Variants in MCTP1 observed in about 807,000 individuals in gnomAD.
MCTP1 encodes multiple C2 and transmembrane domain containing 1.
Under a neutral mutation model 120.6 loss-of-function variants are expected in MCTP1, and 69 were observed. The ratio of observed to expected loss-of-function variants is 0.57; its 90% CI spans 0.47 to 0.70. The LOEUF is 0.70. MCTP1 is among the 30% of genes least tolerant of loss of function. The pLI, the probability that MCTP1 is intolerant of heterozygous loss-of-function variation, is 0.00. For missense variants in MCTP1, 1,203 were observed against 1,248.8 expected, an observed-to-expected ratio of 0.96 and a Z score of 0.55; for synonymous variants, 529 against 493.1, an observed-to-expected ratio of 1.07 and a Z score of -0.96.
chr5:95,095,006 ATTTTTTTTTTTTTTTTT>A (rs756132693), intron 1 of MCTP1, among the ~76,000 whole-genome samples: 9 of 36,966 alleles, frequency 2.4e-4, no homozygotes, highest in Admixed American at 1.0e-3. Flanking sequence ...GTTATGTTAG[ATTTTTTTTTTTTTTTTT>A]TTTTTTTTTT....
chr5:94,800,309 C>T (rs957910452), intron 17 of MCTP1, among the ~76,000 whole-genome samples: 1 of 152,172 alleles, frequency 6.6e-6, no homozygotes, highest in African/African-American at 2.4e-5. Flanking sequence ...AAGCCCTCTG[C>T]CTGCTAAGAT....
chr5:94,850,147 G>A (rs1208622396), intron 17 of MCTP1, among the ~76,000 whole-genome samples: 1 of 152,142 alleles, frequency 6.6e-6, no homozygotes, highest in Non-Finnish European at 1.5e-5. Context: ...ATGGCTGTAT[G>A]AGAAACAAAG....
chr5:94,952,746 C>T (rs1820946371), intron 3 of MCTP1, among the ~76,000 whole-genome samples: 1 of 151,882 alleles, frequency 6.6e-6, no homozygotes, highest in Non-Finnish European at 1.5e-5. Flanking sequence ...CCCCCAGCCC[C>T]CCATTTTTGG....
chr5:94,734,708 C>T (rs571837272), intron 19 of MCTP1, among the ~76,000 whole-genome samples: 7 of 152,190 alleles, frequency 4.6e-5, no homozygotes, highest in Non-Finnish European at 1.0e-4. Flanking sequence ...CCTCCCACCT[C>T]GGCCTCCCAA....
chr5:94,751,645 G>A (rs761770899), intron 19 of MCTP1, among the ~76,000 whole-genome samples: 2 of 152,068 alleles, frequency 1.3e-5, no homozygotes, highest in East Asian at 1.9e-4. Flanking sequence ...TGCATAAAGC[G>A]TACAGAGCCC....
chr5:94,739,888 G>A (rs947422325), intron 19 of MCTP1, among the ~76,000 whole-genome samples: 17 of 152,114 alleles, frequency 1.1e-4, no homozygotes, highest in African/African-American at 3.9e-4. Context: ...GGCTGATCTC[G>A]AACTCCTGAC....
chr5:95,161,374 C>T (rs187522748), intron 1 of MCTP1, among the ~76,000 whole-genome samples: 73 of 151,692 alleles, frequency 4.8e-4, no homozygotes, highest in African/African-American at 1.6e-3. Flanking sequence ...CTCACTCATA[C>T]GTAGAATTTT....
At chr5:95,084,770 A>AG (rs1755301774) in intron 1 of MCTP1, among the ~76,000 whole-genome samples, 1 of 152,036 alleles carries the variant, frequency 6.6e-6, no homozygotes, top group African/African-American at 2.4e-5. Context: ...TCAAAATCTA[A>AG]ACCTTTTGTT....
At chr5:95,178,962 AATAG>A (rs1190757407) in intron 1 of MCTP1, among the ~76,000 whole-genome samples, 4 of 152,298 alleles carry the variant, frequency 2.6e-5, no homozygotes, top group African/African-American at 7.2e-5. Flanking sequence ...TCTTCAGTGA[AATAG>A]ATAGCATAAA....
In MCTP1 at chr5:95,015,984, A is replaced by G. The variant is rs555805805; in HGVS notation, c.838+1383T>C. Among the ~76,000 whole-genome samples, 4 of 152,282 alleles carry G rather than the reference A, an allele frequency of 2.6e-5. 1 individual carries two copies. In the South Asian group the frequency reaches 8.3e-4, roughly 32 times the overall value. On this transcript the variant is annotated intron_variant, in intron 2 of 22. Transcript: ENST00000515393. ...AACTAAAAAAAGTTGTATACGCTGT[A>G]AATATAGCAAAATAATACTTTGTTA...
At chr5:95,104,838 C>G (rs1756978209) in intron 1 of MCTP1, among the ~76,000 whole-genome samples, 1 of 152,166 alleles carries the variant, frequency 6.6e-6, no homozygotes, top group Admixed American at 6.6e-5. Context: ...CACTGAGTGA[C>G]CCTTCCTTAC....
chr5:94,826,876 G>C (rs1259225267), intron 17 of MCTP1, among the ~76,000 whole-genome samples: 2 of 135,438 alleles, frequency 1.5e-5, no homozygotes, highest in Non-Finnish European at 3.1e-5. Context: ...TTGCTTTTGA[G>C]ATAAGTCTCC....
At chr5:94,739,248 T>C (rs1454822618) in intron 19 of MCTP1, 1 of 152,200 alleles carries the variant, frequency 6.6e-6, no homozygotes, top group African/African-American at 2.4e-5. Flanking sequence ...CCTTCCACCT[T>C]TGAAGAACAA....
At chr5:94,821,234 T>C (rs1285889855) in intron 17 of MCTP1, among the ~76,000 whole-genome samples, 4 of 152,222 alleles carry the variant, frequency 2.6e-5, no homozygotes, top group Non-Finnish European at 5.9e-5. Context: ...GTTCACATTA[T>C]ACAGTGTCAG....
chr5:95,199,001 A>T (rs908240055), intron 1 of MCTP1, among the ~76,000 whole-genome samples: 1 of 152,190 alleles, frequency 6.6e-6, no homozygotes, highest in African/African-American at 2.4e-5. Context: ...TTACATATTA[A>T]GATTTTTTTC....
At chr5:94,796,940 GAGAGTT>G (rs1463153137) in intron 18 of MCTP1, among the ~76,000 whole-genome samples, 2 of 151,988 alleles carry the variant, frequency 1.3e-5, no homozygotes, top group African/African-American at 4.8e-5. Context: ...GGCATTCCAT[GAGAGTT>G]AGACTATAGA....
intron 2 of MCTP1, among the ~76,000 whole-genome samples, chr5:95,000,974 C>T (rs1415717135): frequency 6.6e-6 from 1 of 152,192 alleles, no homozygotes; most frequent in Non-Finnish European, 1.5e-5. Context: ...CCATAATCCC[C>T]ACAAATCATG....
chr5:94,944,049 T>C (rs554987395), intron 3 of MCTP1, among the ~76,000 whole-genome samples: 1 of 152,176 alleles, frequency 6.6e-6, no homozygotes, highest in South Asian at 2.1e-4. Flanking sequence ...TTTTTTTTCT[T>C]TTTATTTTTT....
chr5:95,284,948 C>T lies in MCTP1; in HGVS notation c.-373G>A, dbSNP rs577773998. ...GCCCTGGCTCCCTCTTCTCTCTGAC[C>T]GAGCTCGGGAAGCTGCACGCACCGG... On this transcript the variant is annotated 5_prime_UTR_variant, in exon 1 of 23. Coordinates refer to ENST00000515393, the MANE Select transcript of MCTP1 (RefSeq NM_024717.7). The surrounding 1 kb of genome is among the most constrained non-coding windows in gnomAD (Gnocchi z 5.2). Among the ~76,000 whole-genome samples, 25 of 152,240 alleles carry T rather than the reference C, an allele frequency of 1.6e-4. No homozygotes were observed. In the East Asian group the frequency reaches 4.9e-3, roughly 30 times the overall value.
Sources: gnomAD v4.1 joint callset for allele counts (sites outside exome capture counted in the v4.1 genomes callset) on GRCh38, gnomAD v4.1.1 for gene constraint, Gnocchi (gnomAD v3.1) non-coding constraint, MANE v1.5 for transcripts, NCBI Gene and HGNC (gene_info 2026-07-23, HGNC 2026-07-21) for gene names.